LRP1B: variants seen among roughly 807,000 people sequenced by gnomAD.
LRP1B encodes LDL receptor related protein 1B.
LRP1B carries 217 observed loss-of-function variants against 556.6 expected under a neutral mutation model. The ratio of observed to expected loss-of-function variants is 0.39; its 90% CI spans 0.35 to 0.44. The LOEUF (loss-of-function observed/expected upper bound fraction) is 0.44. Among genes scored for constraint, LRP1B ranks in the 20% least tolerant of loss-of-function variants. The pLI is 1.00. For missense variants in LRP1B, 5,053 were observed against 5,620.8 expected, an observed-to-expected ratio of 0.90 and a Z score of 3.23; for synonymous variants, 2,047 against 1,865.8, an observed-to-expected ratio of 1.10 and a Z score of -2.50.
At position 141,013,563 on chromosome 2, in the gene LRP1B, C is replaced by G. The variant is rs781046864; in HGVS notation, c.2373G>C (p.Lys791Asn). Residue 791 changes from lysine (K) to asparagine (N), a missense_variant, in exon 14 of 91, where the codon AAG becomes AAC. By Grantham distance (94) the Lys-to-Asn change is moderately conservative. Transcript: ENST00000389484. ...LFGLQIYDPR[K>N]QQGDNMCRVN... ...TAATTTGTTTTTTAATACCTTGTTG[C>G]TTTCGTGGATCATAAATCTGAAGCC... is the stretch of plus-strand genomic sequence containing the variant. 6.2e-7 allele frequency: 1 copy of G among 1,605,822 alleles called. No individual in the cohort carries two copies. The highest frequency in any genetic ancestry group is 1.1e-5 in the South Asian group (1 of 89,718).
intron 2 of LRP1B, among the ~76,000 whole-genome samples, chr2:141,509,822 G>A (rs1020813156): frequency 6.6e-6 from 1 of 152,058 alleles, no homozygotes; most frequent in Admixed American, 6.6e-5. Flanking sequence ...TTATCCATAA[G>A]TAACACAAAT....
intron 3 of LRP1B, among the ~76,000 whole-genome samples, chr2:141,392,104 C>A (rs1331090869): frequency 6.6e-6 from 1 of 152,072 alleles, no homozygotes; most frequent in Non-Finnish European, 1.5e-5. Flanking sequence ...GCTGATGAAG[C>A]AAGGAAACTC....
At chr2:141,362,355 C>G (rs192156825) in intron 3 of LRP1B, among the ~76,000 whole-genome samples, 136 of 152,230 alleles carry the variant, frequency 8.9e-4, no homozygotes, top group Non-Finnish European at 1.6e-3. Context: ...TTGGGAAGAA[C>G]GGTCTTAACA....
In LRP1B at chr2:141,059,098, C is replaced by T. The variant is rs76668368; in HGVS notation, c.1237-44G>A. The T allele has an allele frequency of 3.0e-4, 373 of 1,254,186 alleles. 4 individuals are homozygous for T. The East Asian group carries it at 9.6e-3, about 32-fold the overall frequency. 77.7% of individuals were successfully genotyped at this position (1,254,186 alleles called of 1,614,324 possible). ...ATAACTATGATTTTTAATTATGTAGCTTGCAATTTGAAAGAAAAGCTGATT... is the reference window on the plus strand; with the variant it reads ...ATAACTATGATTTTTAATTATGTAGTTTGCAATTTGAAAGAAAAGCTGATT... On this transcript the variant is annotated intron_variant, in intron 8 of 90. Coordinates refer to ENST00000389484, the MANE Select transcript of LRP1B (RefSeq NM_018557.3).
At chr2:140,932,956 T>C (rs1695098536) in intron 20 of LRP1B, among the ~76,000 whole-genome samples, 1 of 150,960 alleles carries the variant, frequency 6.6e-6, no homozygotes, top group African/African-American at 2.4e-5. Flanking sequence ...CACATATACA[T>C]ATACACATAT....
At chr2:140,886,771 A>C (rs535733285) in intron 23 of LRP1B, among the ~76,000 whole-genome samples, 1 of 152,268 alleles carries the variant, frequency 6.6e-6, no homozygotes, top group East Asian at 1.9e-4. Context: ...ATCCAACAAC[A>C]AAGAAAAAGA....
At chr2:141,441,837 A>C (rs1362875685) in intron 3 of LRP1B, among the ~76,000 whole-genome samples, 3 of 152,234 alleles carry the variant, frequency 2.0e-5, no homozygotes, top group Non-Finnish European at 4.4e-5. Flanking sequence ...TCTTCAGGTA[A>C]CAACAGTGTG....
chr2:141,355,596 T>C (rs946579339), intron 3 of LRP1B, among the ~76,000 whole-genome samples: 1 of 152,144 alleles, frequency 6.6e-6, no homozygotes, highest in Non-Finnish European at 1.5e-5. Context: ...GTTAGGATAA[T>C]GATAGTAAGG....
intron 41 of LRP1B, among the ~76,000 whole-genome samples, chr2:140,616,355 A>G (rs1176886635): frequency 6.6e-6 from 1 of 152,000 alleles, no homozygotes; most frequent in African/African-American, 2.4e-5. Context: ...TGTTATCATA[A>G]AGAACTCTCA....
chr2:141,105,838 T>A (rs1348862310), intron 7 of LRP1B, among the ~76,000 whole-genome samples: 1 of 152,132 alleles, frequency 6.6e-6, no homozygotes, highest in Non-Finnish European at 1.5e-5. Context: ...ATAGCTATTG[T>A]TTTACTGGCA....
chr2:142,097,902 T>C lies in LRP1B; in HGVS notation c.82+32746A>G, dbSNP rs1706432609. 2.0e-5 allele frequency among the ~76,000 whole-genome samples: 3 copies of C among 151,628 alleles called. No individual in the cohort carries two copies. The Admixed American group carries it at 2.0e-4, about 10-fold the overall frequency. ...AGATTGAGTTTTTATAGGTCTTGGC[T>C]CCCTTTACAATCGTGTCATGAGAAT... On this transcript the variant is annotated intron_variant, in intron 1 of 90. Coordinates refer to ENST00000389484, the MANE Select transcript of LRP1B (RefSeq NM_018557.3).
chr2:141,738,182 A>G (rs2105534469), intron 2 of LRP1B, among the ~76,000 whole-genome samples: 1 of 152,282 alleles, frequency 6.6e-6, no homozygotes, highest in African/African-American at 2.4e-5. Context: ...ATATTAGCCC[A>G]TATATTTAAT....
rs186359655 is a variant in LRP1B, at chr2:142,091,387, A to C, written c.82+39261T>G. Among the ~76,000 whole-genome samples, 10 of 152,234 alleles carry C rather than the reference A, an allele frequency of 6.6e-5. No homozygotes were observed. The East Asian group carries it at 1.2e-3, about 18-fold the overall frequency. ...TGTATGTCTCATATAATAAAAAATA[A>C]AATTGGCTTTTATTTTTTTAAATTT... On this transcript the variant is annotated intron_variant, in intron 1 of 90. Coordinates refer to ENST00000389484, the MANE Select transcript of LRP1B (RefSeq NM_018557.3).
chr2:141,464,606 A>ATATATATATATATTTTTTTTTTTTTTT, intron 3 of LRP1B, among the ~76,000 whole-genome samples: 3 of 90,542 alleles, frequency 3.3e-5, no homozygotes, highest in African/African-American at 1.3e-4. Flanking sequence ...ATATATATAT[A>ATATATATATATATTTTTTTTTTTTTTT]TTTTTTTAGT....
intron 11 of LRP1B, among the ~76,000 whole-genome samples, chr2:141,038,698 T>C (rs1427245845): frequency 6.6e-6 from 1 of 152,098 alleles, no homozygotes; most frequent in African/African-American, 2.4e-5. Context: ...AACTATATTG[T>C]ATTGAGAAAT....
intron 6 of LRP1B, among the ~76,000 whole-genome samples, chr2:141,191,077 C>T (rs1681482114): frequency 6.6e-6 from 1 of 151,894 alleles, no homozygotes; most frequent in African/African-American, 2.4e-5. Context: ...ATGCTAAATG[C>T]CCCATTTACT....
At chr2:140,520,349 G>C (rs137857355) in intron 49 of LRP1B, among the ~76,000 whole-genome samples, 1 of 151,970 alleles carries the variant, frequency 6.6e-6, no homozygotes, top group Non-Finnish European at 1.5e-5. Context: ...GCAAACTATC[G>C]CAAGGACAGA....
chr2:141,960,763 T>G (rs573042731), intron 1 of LRP1B, among the ~76,000 whole-genome samples: 2 of 152,012 alleles, frequency 1.3e-5, no homozygotes, highest in African/African-American at 4.8e-5. Context: ...AAGATTATCT[T>G]TCTATACATT....
chr2:140,706,653 A>C (rs963798606), intron 37 of LRP1B, among the ~76,000 whole-genome samples: 2 of 152,070 alleles, frequency 1.3e-5, no homozygotes, highest in Non-Finnish European at 2.9e-5. Context: ...TTAATTTCCA[A>C]CTGATTATTG....
Sources: allele counts gnomAD v4.1 joint callset (sites outside exome capture counted in the v4.1 genomes callset), GRCh38; gene constraint gnomAD v4.1.1; transcripts MANE v1.5; gene names NCBI Gene and HGNC (gene_info 2026-07-23, HGNC 2026-07-21).